The following NAALADL2 variants were observed in gnomAD, a reference collection of about 807,000 sequenced individuals.
NAALADL2 encodes inactive N-acetylated-alpha-linked acidic dipeptidase-like protein 2.
In NAALADL2, 76 loss-of-function variants were observed where a neutral mutation model predicts 87.2. The ratio of observed to expected loss-of-function variants is 0.87; its 90% CI spans 0.72 to 1.05. The LOEUF (loss-of-function observed/expected upper bound fraction) is 1.05, where lower values mean the gene tolerates loss of function less well. NAALADL2 is among the 50% of genes least tolerant of loss of function. The probability of loss-of-function intolerance (pLI) is 0.00; values close to 1 mark genes in which losing one functional copy is unlikely to be tolerated. For missense variants in NAALADL2, 1,089 were observed against 945.8 expected, an observed-to-expected ratio of 1.15 and a Z score of -1.99; for synonymous variants, 354 against 331.0, an observed-to-expected ratio of 1.07 and a Z score of -0.75.
intron 1 of NAALADL2, among the ~76,000 whole-genome samples, chr3:174,536,427 T>A (rs1721730033): frequency 6.6e-6 from 1 of 152,164 alleles, no homozygotes; most frequent in Non-Finnish European, 1.5e-5. Flanking sequence ...CAGAATCTCA[T>A]TAAAGCAACT....
At chr3:174,806,324 A>G (rs1387082455) in intron 3 of NAALADL2, among the ~76,000 whole-genome samples, 3 of 152,220 alleles carry the variant, frequency 2.0e-5, no homozygotes, top group African/African-American at 7.2e-5. Flanking sequence ...TGGAGCTAGA[A>G]TGGCACTTGA....
At chr3:175,155,227 C>G (rs1382945717) in intron 2 of NAALADL2, among the ~76,000 whole-genome samples, 2 of 152,074 alleles carry the variant, frequency 1.3e-5, no homozygotes, top group African/African-American at 4.8e-5. Context: ...TTTCAGAGGT[C>G]TCCAGAAGAA....
At chr3:174,479,745 C>A (rs937813563) in intron 1 of NAALADL2, among the ~76,000 whole-genome samples, 1 of 147,636 alleles carries the variant, frequency 6.8e-6, no homozygotes, top group Non-Finnish European at 1.5e-5. Flanking sequence ...CATTAACTGC[C>A]TACTATGTGT....
intron 10 of NAALADL2, 25 bp from the exon 11 acceptor site, chr3:175,627,266 A>G (rs1436150398): frequency 1.5e-5 from 23 of 1,509,716 alleles, no homozygotes; most frequent in African/African-American, 2.8e-5. Context: ...AGAGTTTTAA[A>G]TGTTTCTTTT....
At chr3:174,633,248 T>C (rs1439815069) in intron 2 of NAALADL2, among the ~76,000 whole-genome samples, 4 of 152,178 alleles carry the variant, frequency 2.6e-5, no homozygotes, top group African/African-American at 9.7e-5. Context: ...TTTATGTTTT[T>C]TCCGAAACTT....
rs148583449 is a variant in NAALADL2 at position 175,214,808 on chromosome 3, T to C, written c.546-19123T>C. Among the ~76,000 whole-genome samples the C allele has an allele frequency of 6.0e-3, 913 of 152,264 alleles. 43 individuals are homozygous for C. Among genetic ancestry groups the C allele is most frequent in the Admixed American group, 0.053 (816 of 15,262 alleles). ...TTCATGTTCACATATTCCTTGTTAA[T>C]TACAGCCCTAACCATTAGGGTCTGC... On this transcript the variant is annotated intron_variant, in intron 2 of 13. Transcript: ENST00000454872.
chr3:174,761,456 A>G (rs1200818146), intron 3 of NAALADL2, among the ~76,000 whole-genome samples: 22 of 152,184 alleles, frequency 1.4e-4, no homozygotes, highest in Admixed American at 1.4e-3. Context: ...CATGATACAT[A>G]AAAATGGATC....
At chr3:174,656,611 C>G (rs1724957423) in intron 2 of NAALADL2, among the ~76,000 whole-genome samples, 1 of 152,038 alleles carries the variant, frequency 6.6e-6, no homozygotes, top group Non-Finnish European at 1.5e-5. Flanking sequence ...TTTAAGGTTC[C>G]AGATTAAACT....
chr3:174,669,752 T>G (rs559069222), intron 2 of NAALADL2, among the ~76,000 whole-genome samples: 1 of 151,896 alleles, frequency 6.6e-6, no homozygotes, highest in African/African-American at 2.4e-5. Context: ...AATTGTAGGA[T>G]TTTTTTTCTA....
At chr3:175,181,745 G>GTA (rs1209330891) in intron 2 of NAALADL2, among the ~76,000 whole-genome samples, 505 of 39,684 alleles carry the variant, frequency 0.013, 27 homozygotes, top group African/African-American at 0.041. Context: ...GTGTATATAT[G>GTA]TATATATATG....
chr3:174,726,762 G>T (rs576234620), intron 2 of NAALADL2, among the ~76,000 whole-genome samples: 4 of 152,046 alleles, frequency 2.6e-5, no homozygotes, highest in South Asian at 4.2e-4. Context: ...GTTCTCAGTG[G>T]CTCATCTTCA....
intron 2 of NAALADL2, among the ~76,000 whole-genome samples, chr3:174,664,997 C>G (rs1316547882): frequency 6.6e-6 from 1 of 152,202 alleles, no homozygotes; most frequent in Non-Finnish European, 1.5e-5. Flanking sequence ...TAGCCACAGG[C>G]TAGCTTGCTG....
chr3:174,734,420 A>G (rs968642821), intron 2 of NAALADL2, among the ~76,000 whole-genome samples: 1 of 152,174 alleles, frequency 6.6e-6, no homozygotes, highest in African/African-American at 2.4e-5. Flanking sequence ...ATTTATTTTC[A>G]CCAGTTCTGG....
At chr3:174,477,644 T>A (rs1717297012) in intron 1 of NAALADL2, among the ~76,000 whole-genome samples, 1 of 152,206 alleles carries the variant, frequency 6.6e-6, no homozygotes, top group South Asian at 2.1e-4. Context: ...ATCATGCTTC[T>A]GGAGTAGGAA....
chr3:174,503,039 A>T (rs2108373155), intron 1 of NAALADL2, among the ~76,000 whole-genome samples: 1 of 150,714 alleles, frequency 6.6e-6, no homozygotes, highest in South Asian at 2.1e-4. Flanking sequence ...AAAAAAAAAA[A>T]ACCTCTTATC....
At chr3:174,880,790 AT>A in intron 1 of NAALADL2, among the ~76,000 whole-genome samples, 1 of 152,290 alleles carries the variant, frequency 6.6e-6, no homozygotes, top group South Asian at 2.1e-4. Flanking sequence ...CCTTAAAACA[AT>A]AGATGCTTAT....
intron 6 of NAALADL2, among the ~76,000 whole-genome samples, chr3:175,455,143 G>C (rs554317590): frequency 6.6e-6 from 1 of 152,132 alleles, no homozygotes; most frequent in South Asian, 2.1e-4. Flanking sequence ...TGCATAAAGT[G>C]GACAGCCAGG....
intron 3 of NAALADL2, among the ~76,000 whole-genome samples, chr3:174,818,821 C>T (rs1397408824): frequency 6.6e-6 from 1 of 152,088 alleles, no homozygotes; most frequent in Non-Finnish European, 1.5e-5. Context: ...TTTCTGACGT[C>T]TGTGTGGCTC....
chr3:174,594,585 T>C (rs1331119781), intron 2 of NAALADL2, among the ~76,000 whole-genome samples: 5 of 152,162 alleles, frequency 3.3e-5, no homozygotes, highest in African/African-American at 7.2e-5. Flanking sequence ...CTGAGTGCTC[T>C]TATGCTACTG....
Sources: allele counts gnomAD v4.1 joint callset (sites outside exome capture counted in the v4.1 genomes callset), GRCh38; gene constraint gnomAD v4.1.1; transcripts MANE v1.5; gene names NCBI Gene and HGNC (gene_info 2026-07-23, HGNC 2026-07-21).